The following CLYBL variants were observed in gnomAD, a reference collection of about 807,000 sequenced individuals.
CLYBL encodes the protein citramalyl-CoA lyase, mitochondrial.
In CLYBL, 31 loss-of-function variants were observed where a neutral mutation model predicts 38.9. The ratio of observed to expected loss-of-function variants is 0.80; its 90% CI spans 0.60 to 1.08. The LOEUF is 1.08. Ranked by LOEUF, CLYBL falls within the 50% of genes least tolerant of loss-of-function variation. CLYBL has a pLI of 0.00. For synonymous variants in CLYBL, 171 were observed against 158.6 expected, an observed-to-expected ratio of 1.08 and a Z score of -0.59; for missense variants, 434 against 411.6, an observed-to-expected ratio of 1.05 and a Z score of -0.47.
intron 1 of CLYBL, among the ~76,000 whole-genome samples, chr13:99,661,422 TTTTTC>T (rs77938074): frequency 0.024 from 3,666 of 152,296 alleles, 71 homozygotes; most frequent in Middle Eastern, 0.099. Context: ...GATCAAAACA[TTTTTC>T]TATTCTGTTG....
intron 2 of CLYBL, among the ~76,000 whole-genome samples, chr13:99,791,544 T>G (rs2049918151): frequency 6.6e-6 from 1 of 152,222 alleles, no homozygotes; most frequent in Non-Finnish European, 1.5e-5. Context: ...GATAACATTT[T>G]GTCCTAACAA....
chr13:99,741,740 G>T (rs995207569), intron 1 of CLYBL, among the ~76,000 whole-genome samples: 3 of 152,186 alleles, frequency 2.0e-5, no homozygotes, highest in African/African-American at 7.2e-5. Flanking sequence ...GCCTCCCAAA[G>T]TGCTGGGATT....
intron 1 of CLYBL, among the ~76,000 whole-genome samples, chr13:99,655,933 G>A (rs967832308): frequency 3.3e-5 from 5 of 152,126 alleles, no homozygotes; most frequent in African/African-American, 4.8e-5. Context: ...GCGGCAGGGC[G>A]CACTTTTCAT....
intron 2 of CLYBL, among the ~76,000 whole-genome samples, chr13:99,851,732 C>T (rs1416613711): frequency 6.6e-6 from 1 of 152,180 alleles, no homozygotes; most frequent in Non-Finnish European, 1.5e-5. Flanking sequence ...CCTCAACACA[C>T]AGCTGGCAGG....
At chr13:99,828,981 A>G (rs1239454520) in intron 2 of CLYBL, among the ~76,000 whole-genome samples, 1 of 152,194 alleles carries the variant, frequency 6.6e-6, no homozygotes, top group African/African-American at 2.4e-5. Flanking sequence ...CTATGAACCC[A>G]CGGGATGTAC....
intron 2 of CLYBL, among the ~76,000 whole-genome samples, chr13:99,794,711 C>T (rs2049988102): frequency 6.6e-6 from 1 of 151,688 alleles, no homozygotes; most frequent in African/African-American, 2.4e-5. Flanking sequence ...CATGCCTCAG[C>T]CTCCCGAGTA....
Position 99,826,863 on chromosome 13 carries a change from G to A in CLYBL, c.250-31998G>A, listed in dbSNP as rs766319212. Among the ~76,000 whole-genome samples the A allele has an allele frequency of 9.1e-4, 139 of 152,168 alleles. 1 individual carries two copies. Among genetic ancestry groups the A allele is most frequent in the Non-Finnish European group, 1.4e-3 (96 of 68,034 alleles). On this transcript the variant is annotated intron_variant, in intron 2 of 8. Coordinates refer to ENST00000339105, the MANE Select transcript of CLYBL (RefSeq NM_206808.5). ...TGGCGAGGAATCTCCATACACCACC[G>A]AGCTGGAGTTGTCTCGGGGCCCGAG...
At chr13:99,676,564 A>G (rs1019582369) in intron 1 of CLYBL, among the ~76,000 whole-genome samples, 1 of 149,076 alleles carries the variant, frequency 6.7e-6, no homozygotes, top group Non-Finnish European at 1.5e-5. Flanking sequence ...TGCTGGGATT[A>G]CAGGCATGAG....
chr13:99,684,186 ATTT>A (rs965852345), intron 1 of CLYBL, among the ~76,000 whole-genome samples: 1 of 108,014 alleles, frequency 9.3e-6, no homozygotes. Context: ...GGCATGTTTG[ATTT>A]TTTTTTTTTT....
At chr13:99,902,439 A>G (rs1222167300) in intron 8 of CLYBL, among the ~76,000 whole-genome samples, 2 of 152,250 alleles carry the variant, frequency 1.3e-5, no homozygotes, top group Non-Finnish European at 2.9e-5. Flanking sequence ...TGAATGGGCT[A>G]TGAATTTGCA....
chr13:99,809,657 G>A (rs1173696038), intron 2 of CLYBL, among the ~76,000 whole-genome samples: 1 of 152,256 alleles, frequency 6.6e-6, no homozygotes, highest in Non-Finnish European at 1.5e-5. Flanking sequence ...GCGATTAGCT[G>A]TTTTCAGCAA....
intron 2 of CLYBL, among the ~76,000 whole-genome samples, chr13:99,791,469 A>G (rs1264228689): frequency 6.6e-6 from 1 of 152,200 alleles, no homozygotes; most frequent in Non-Finnish European, 1.5e-5. Context: ...TCTTTAACAT[A>G]CAGGAGCATA....
At chr13:99,684,717 C>G (rs2047792560) in intron 1 of CLYBL, among the ~76,000 whole-genome samples, 1 of 152,184 alleles carries the variant, frequency 6.6e-6, no homozygotes, top group African/African-American at 2.4e-5. Context: ...ATGCAGTGAA[C>G]ATAATGATCC....
At chr13:99,817,669 A>AAG (rs1555312094) in intron 2 of CLYBL, among the ~76,000 whole-genome samples, 4 of 147,854 alleles carry the variant, frequency 2.7e-5, no homozygotes, top group African/African-American at 1.0e-4. Context: ...AAAAAAAAAA[A>AAG]AAAAGAAAAG....
chr13:99,806,711 A>T (rs1015515150), intron 2 of CLYBL, among the ~76,000 whole-genome samples: 6 of 152,216 alleles, frequency 3.9e-5, no homozygotes, highest in African/African-American at 1.4e-4. Context: ...CTCCGTAAAG[A>T]TTAGATATCT....
At chr13:99,784,977 C>T (rs777877981) in intron 2 of CLYBL, among the ~76,000 whole-genome samples, 11 of 151,848 alleles carry the variant, frequency 7.2e-5, no homozygotes, top group East Asian at 3.9e-4. Context: ...CTGCGACCTC[C>T]GCCTCTCTGG....
chr13:99,658,686 G>T (rs1460008676), intron 1 of CLYBL, among the ~76,000 whole-genome samples: 2 of 152,126 alleles, frequency 1.3e-5, no homozygotes. Flanking sequence ...TCTCTGCGGA[G>T]TTTCGGCAGC....
chr13:99,899,116 C>G (rs1007195447), downstream of CLYBL, among the ~76,000 whole-genome samples: 3 of 152,194 alleles, frequency 2.0e-5, no homozygotes, highest in African/African-American at 7.2e-5. Context: ...ATAAAAACAC[C>G]TAACTCCAAG....
At chr13:99,747,430 A>T (rs1362877889) in intron 1 of CLYBL, among the ~76,000 whole-genome samples, 1 of 151,126 alleles carries the variant, frequency 6.6e-6, no homozygotes, top group Non-Finnish European at 1.5e-5. Context: ...CCTCATCCTC[A>T]TCCTCCTTTC....
Sources: allele counts gnomAD v4.1 joint callset (sites outside exome capture counted in the v4.1 genomes callset), GRCh38; gene constraint gnomAD v4.1.1; transcripts MANE v1.5; gene names NCBI Gene and HGNC (gene_info 2026-07-23, HGNC 2026-07-21).